The following PPFIA2 variants were observed in gnomAD, a reference collection of about 807,000 sequenced individuals.
PPFIA2 encodes the protein PPFI scaffold protein A2.
A neutral mutation model predicts 175.5 loss-of-function variants in PPFIA2; 46 were observed. That is an observed-to-expected ratio of 0.26 (90% CI 0.21 to 0.34). The LOEUF is 0.34. Ranked by LOEUF, PPFIA2 falls within the 10% of genes least tolerant of loss-of-function variation. The pLI is 1.00. For synonymous variants in PPFIA2, 568 were observed against 511.4 expected (o/e 1.11, Z -1.49); for missense variants, 1,179 against 1,506.1 (o/e 0.78, Z 3.60).
intron 7 of PPFIA2, chr12:81,417,469 A>G (rs903120945): frequency 1.3e-5 from 2 of 151,614 alleles, no homozygotes; most frequent in Non-Finnish European, 3.0e-5. Flanking sequence ...AAAGCGTTTC[A>G]AAGTGTTTGA....
chr12:81,421,811 C>G (rs2046291874), intron 7 of PPFIA2, among the ~76,000 whole-genome samples: 1 of 151,816 alleles, frequency 6.6e-6, no homozygotes, highest in African/African-American at 2.4e-5. Flanking sequence ...ATAAGACACT[C>G]ATTTTACATA....
At chr12:81,471,533 T>C (rs1796718639) in intron 4 of PPFIA2, among the ~76,000 whole-genome samples, 1 of 151,786 alleles carries the variant, frequency 6.6e-6, no homozygotes, top group Non-Finnish European at 1.5e-5. Context: ...ACTTTCTTTA[T>C]CCATTCATCT....
intron 4 of PPFIA2, among the ~76,000 whole-genome samples, chr12:81,611,213 C>T (rs2060872572): frequency 6.6e-6 from 1 of 152,220 alleles, no homozygotes; most frequent in Admixed American, 6.5e-5. Flanking sequence ...TTCCAGGCCA[C>T]GAGCCTCTCT....
chr12:81,371,636 T>G (rs1209851038), intron 11 of PPFIA2, among the ~76,000 whole-genome samples: 1 of 151,814 alleles, frequency 6.6e-6, no homozygotes, highest in South Asian at 2.1e-4. Flanking sequence ...TTGGTCCTGT[T>G]TAAATTCCTA....
rs141376531 is a variant in PPFIA2, at chr12:81,661,767, C to T, written c.303+15024G>A. Among the ~76,000 whole-genome samples the T allele has an allele frequency of 6.2e-3, 937 of 152,294 alleles. 33 individuals carry two copies. In the East Asian group the frequency reaches 0.088, roughly 14 times the overall value. On this transcript the variant is annotated intron_variant, in intron 4 of 32. Coordinates refer to ENST00000549396, the MANE Select transcript of PPFIA2 (RefSeq NM_003625.5). Reference sequence around the variant, plus strand: ...ATACATTCTTCTCAGCACCACACCGCACTTGTTCCAAAATTGACCACATAG... The same window carrying T: ...ATACATTCTTCTCAGCACCACACCGTACTTGTTCCAAAATTGACCACATAG...
At chr12:81,531,291 AATG>A (rs1422772802) in intron 4 of PPFIA2, among the ~76,000 whole-genome samples, 2 of 151,932 alleles carry the variant, frequency 1.3e-5, no homozygotes, top group Non-Finnish European at 2.9e-5. Context: ...ATTCGAGATG[AATG>A]ATAATATCCC....
chr12:81,347,410 AAAAT>A (rs1293287367), intron 18 of PPFIA2, 119 bp downstream of exon 18: 24 of 884,294 alleles, frequency 2.7e-5, no homozygotes, highest in Admixed American at 6.2e-5. Flanking sequence ...TGTGAATAAG[AAAAT>A]AAATAAACAA....
At chr12:81,502,594 CTT>C (rs2060700504) in intron 4 of PPFIA2, among the ~76,000 whole-genome samples, 1 of 152,130 alleles carries the variant, frequency 6.6e-6, no homozygotes, top group Non-Finnish European at 1.5e-5. Flanking sequence ...GCCTAATACT[CTT>C]CATTGATGAT....
At chr12:81,472,764 GA>G (rs2056931588) in intron 4 of PPFIA2, 1 of 151,582 alleles carries the variant, frequency 6.6e-6, no homozygotes, top group Admixed American at 6.6e-5. Context: ...AAACAAAACA[GA>G]ACAAAAAAAA....
intron 4 of PPFIA2, among the ~76,000 whole-genome samples, chr12:81,609,223 T>C (rs1227063783): frequency 6.6e-6 from 1 of 152,142 alleles, no homozygotes; most frequent in Non-Finnish European, 1.5e-5. Context: ...AAATATGTTC[T>C]GTGTGCAGAT....
chr12:81,411,364 T>C (rs1337856576), intron 7 of PPFIA2, among the ~76,000 whole-genome samples: 1 of 152,098 alleles, frequency 6.6e-6, no homozygotes, highest in African/African-American at 2.4e-5. Flanking sequence ...GTCTTGATCC[T>C]TATTTGTGTT....
intron 4 of PPFIA2, among the ~76,000 whole-genome samples, chr12:81,559,804 GT>G (rs71098149): frequency 0.23 from 33,862 of 145,160 alleles, 4,482 homozygotes; most frequent in African/African-American, 0.37. Context: ...ATGCTTAGTT[GT>G]TTTTTTTTTT....
chr12:81,305,707 C>G (rs910838855), intron 22 of PPFIA2, among the ~76,000 whole-genome samples: 1 of 152,104 alleles, frequency 6.6e-6, no homozygotes, highest in East Asian at 1.9e-4. Context: ...GCCTTATTTC[C>G]GCTACACTAT....
chr12:81,451,920 C>A (rs1284103565), intron 5 of PPFIA2, among the ~76,000 whole-genome samples: 2 of 152,174 alleles, frequency 1.3e-5, no homozygotes, highest in African/African-American at 4.8e-5. Context: ...CACACCTTCA[C>A]TGGGAGCTAC....
At chr12:81,665,391 C>G (rs1212964743) in intron 4 of PPFIA2, among the ~76,000 whole-genome samples, 1 of 151,964 alleles carries the variant, frequency 6.6e-6, no homozygotes, top group Non-Finnish European at 1.5e-5. Context: ...ATTTGTAACA[C>G]GTAACACTCA....
At chr12:81,439,110 GA>G (rs1332608907) in intron 7 of PPFIA2, among the ~76,000 whole-genome samples, 1 of 151,448 alleles carries the variant, frequency 6.6e-6, no homozygotes. Context: ...GAGAAAAAGA[GA>G]GATGGGACTA....
At chr12:81,293,884 T>C (rs2045708501) in intron 24 of PPFIA2, among the ~76,000 whole-genome samples, 3 of 152,144 alleles carry the variant, frequency 2.0e-5, no homozygotes, top group South Asian at 4.1e-4. Flanking sequence ...AATCATGGAA[T>C]GAATCTAAGT....
intron 21 of PPFIA2, among the ~76,000 whole-genome samples, chr12:81,336,249 TA>T (rs2057114113): frequency 6.6e-6 from 1 of 152,192 alleles, no homozygotes; most frequent in African/African-American, 2.4e-5. Flanking sequence ...AATTTTAAAA[TA>T]AAATAATTTT....
At chr12:81,758,025 T>C (rs1399342920) in intron 2 of PPFIA2, among the ~76,000 whole-genome samples, 1 of 152,194 alleles carries the variant, frequency 6.6e-6, no homozygotes, top group African/African-American at 2.4e-5. Context: ...GCCTCTGTCC[T>C]CGGGAAATAT....
Sources: allele counts gnomAD v4.1 joint callset (sites outside exome capture counted in the v4.1 genomes callset), GRCh38; gene constraint gnomAD v4.1.1; transcripts MANE v1.5; gene names NCBI Gene and HGNC (gene_info 2026-07-23, HGNC 2026-07-21).